DPP6: variants seen among roughly 807,000 people sequenced by gnomAD.
The protein encoded by DPP6 is dipeptidyl peptidase like 6.
DPP6 carries 69 observed loss-of-function variants against 122.6 expected under a neutral mutation model. The observed-to-expected ratio is 0.56, with a 90% CI of 0.46 to 0.69. The LOEUF (loss-of-function observed/expected upper bound fraction) is 0.69, where lower values mean the gene tolerates loss of function less well. Among genes scored for constraint, DPP6 ranks in the 30% least tolerant of loss-of-function variants. The pLI, the probability that DPP6 is intolerant of heterozygous loss-of-function variation, is 0.00. For missense variants in DPP6, 928 were observed against 1,116.9 expected (o/e 0.83, Z 2.41); for synonymous variants, 418 against 433.1 (o/e 0.97, Z 0.43).
At chr7:154,405,314 A>G (rs1815988794) in intron 1 of DPP6, among the ~76,000 whole-genome samples, 1 of 152,196 alleles carries the variant, frequency 6.6e-6, no homozygotes, top group Non-Finnish European at 1.5e-5. Flanking sequence ...TTTTTGGATA[A>G]AAGTTTCCCA....
chr7:154,800,376 C>G (rs373029103), intron 12 of DPP6, among the ~76,000 whole-genome samples: 1 of 152,196 alleles, frequency 6.6e-6, no homozygotes, highest in Non-Finnish European at 1.5e-5. Flanking sequence ...TTCTCATCCC[C>G]GCATTCGTGT....
At chr7:154,740,644 T>C (rs1297417273) in intron 8 of DPP6, among the ~76,000 whole-genome samples, 1 of 152,224 alleles carries the variant, frequency 6.6e-6, no homozygotes, top group Non-Finnish European at 1.5e-5. Context: ...ATGAAGTCTG[T>C]GTCCATGCCA....
intron 16 of DPP6, among the ~76,000 whole-genome samples, chr7:154,808,035 A>G (rs753257030): frequency 1.3e-5 from 2 of 152,182 alleles, no homozygotes; most frequent in Non-Finnish European, 2.9e-5. Context: ...ATATGAACCC[A>G]TGGAAAGGTA....
intron 1 of DPP6, among the ~76,000 whole-genome samples, chr7:154,226,402 A>G (rs1176796570): frequency 1.3e-5 from 2 of 152,212 alleles, no homozygotes; most frequent in African/African-American, 4.8e-5. Flanking sequence ...GAGCAGAGAA[A>G]GGAAGGAACC....
intron 16 of DPP6, among the ~76,000 whole-genome samples, chr7:154,818,408 C>A (rs1391789418): frequency 6.6e-6 from 1 of 152,164 alleles, no homozygotes; most frequent in Non-Finnish European, 1.5e-5. Flanking sequence ...ACAGTGTAAG[C>A]AGGCATGCCC....
intron 6 of DPP6, among the ~76,000 whole-genome samples, chr7:154,646,041 A>AAAAAAAAAAAAAAAAAT (rs1181559479): frequency 6.6e-6 from 1 of 150,476 alleles, no homozygotes; most frequent in African/African-American, 2.4e-5. Context: ...AAAAAAAAAA[A>AAAAAAAAAAAAAAAAAT]AAAAGAAAAT....
At chr7:154,721,843 A>T (rs1442507699) in intron 7 of DPP6, among the ~76,000 whole-genome samples, 1 of 151,930 alleles carries the variant, frequency 6.6e-6, no homozygotes, top group Non-Finnish European at 1.5e-5. Flanking sequence ...GAGTTGGTTG[A>T]CTCACTTGCT....
At chr7:154,640,613 C>T (rs773731640) in intron 6 of DPP6, among the ~76,000 whole-genome samples, 43 of 152,238 alleles carry the variant, frequency 2.8e-4, no homozygotes, top group African/African-American at 8.2e-4. Context: ...GCGGTATCTC[C>T]GTAGGCCTGG....
intron 11 of DPP6, among the ~76,000 whole-genome samples, chr7:154,795,288 CAT>C (rs540013261): frequency 4.5e-4 from 69 of 152,352 alleles, no homozygotes; most frequent in Middle Eastern, 6.8e-3. Context: ...CCAGGTGACA[CAT>C]GTGTGCTGCA....
chr7:153,843,026 A>G, the DPP6 span, among the ~76,000 whole-genome samples: 60 of 138,254 alleles, frequency 4.3e-4, no homozygotes, highest in African/African-American at 1.5e-3. Flanking sequence ...ACAAGCATGC[A>G]CACACACACA....
At chr7:154,406,237 C>A (rs1816076534) in intron 1 of DPP6, among the ~76,000 whole-genome samples, 1 of 152,162 alleles carries the variant, frequency 6.6e-6, no homozygotes. Context: ...GGTAAGTCTA[C>A]AGTGTGCTTT....
chr7:154,446,352 G>A, intron 2 of DPP6, 24 bp downstream of exon 2: 1 of 1,569,732 alleles, frequency 6.4e-7, no homozygotes, highest in Non-Finnish European at 8.7e-7. Flanking sequence ...TCTTGGAAAA[G>A]CAAGTCGCTG....
At chr7:154,579,540 C>A (rs1831906041) in intron 5 of DPP6, among the ~76,000 whole-genome samples, 2 of 152,248 alleles carry the variant, frequency 1.3e-5, no homozygotes, top group Non-Finnish European at 1.5e-5. Flanking sequence ...CAGTTTTAAC[C>A]TCACCCCCTG....
At chr7:153,792,913 C>T in the DPP6 span, among the ~76,000 whole-genome samples, 2 of 152,172 alleles carry the variant, frequency 1.3e-5, no homozygotes, top group East Asian at 1.9e-4. Context: ...GGGGTTTCTG[C>T]TTTTGCTTCT....
intron 1 of DPP6, among the ~76,000 whole-genome samples, chr7:154,072,169 C>A (rs1184485897): frequency 1.3e-5 from 2 of 152,232 alleles, no homozygotes; most frequent in Non-Finnish European, 2.9e-5. Flanking sequence ...GAAATTATTA[C>A]ATAAGGGAAA....
intron 1 of DPP6, among the ~76,000 whole-genome samples, chr7:154,242,858 G>T (rs1474794469): frequency 6.6e-6 from 1 of 152,204 alleles, no homozygotes; most frequent in African/African-American, 2.4e-5. Context: ...GCCTAGCAGT[G>T]GTTGCCTTCT....
At chr7:154,096,636 A>C (rs1805341080) in intron 1 of DPP6, among the ~76,000 whole-genome samples, 1 of 152,234 alleles carries the variant, frequency 6.6e-6, no homozygotes, top group Admixed American at 6.5e-5. Flanking sequence ...TATATAAGAA[A>C]ATCTCTATAT....
At chr7:154,394,560 G>A (rs903214246) in intron 1 of DPP6, among the ~76,000 whole-genome samples, 9 of 151,448 alleles carry the variant, frequency 5.9e-5, no homozygotes, top group Admixed American at 2.0e-4. Flanking sequence ...TATTAATATT[G>A]TCTTTTATGC....
At chr7:154,524,978 A>G (rs542415822) in intron 3 of DPP6, among the ~76,000 whole-genome samples, 1 of 152,246 alleles carries the variant, frequency 6.6e-6, no homozygotes, top group Admixed American at 6.5e-5. Flanking sequence ...TTTTGGGGAG[A>G]ATGGTACTCA....
Sources: gnomAD v4.1 joint callset for allele counts (sites outside exome capture counted in the v4.1 genomes callset) on GRCh38, gnomAD v4.1.1 for gene constraint, MANE v1.5 for transcripts, NCBI Gene and HGNC (gene_info 2026-07-23, HGNC 2026-07-21) for gene names.